The following CORIN variants were observed in gnomAD, a reference collection of about 807,000 sequenced individuals.
CORIN encodes the protein corin, serine peptidase.
Under a neutral mutation model 125.3 loss-of-function variants are expected in CORIN, and 117 were observed. The ratio of observed to expected loss-of-function variants is 0.93; its 90% CI spans 0.80 to 1.09. CORIN has a LOEUF of 1.09. CORIN is among the 50% of genes least tolerant of loss of function. CORIN has a pLI of 0.00. For missense variants in CORIN, 1,253 were observed against 1,306.7 expected (o/e 0.96, Z 0.63); for synonymous variants, 450 against 466.4 (o/e 0.96, Z 0.45).
chr4:47,766,247 C>A (rs546261619), intron 3 of CORIN, among the ~76,000 whole-genome samples: 7 of 152,138 alleles, frequency 4.6e-5, no homozygotes, highest in Non-Finnish European at 7.4e-5. Flanking sequence ...AATTTCTCTG[C>A]CCCATAAAAG....
intron 5 of CORIN, among the ~76,000 whole-genome samples, chr4:47,730,563 C>A (rs1302901041): frequency 6.6e-6 from 1 of 151,992 alleles, no homozygotes; most frequent in South Asian, 2.1e-4. Context: ...GGGGCTGGAG[C>A]CCAAAAGCAC....
chr4:47,626,561 A>G (rs1722577587), intron 16 of CORIN, 40 bp from the exon 17 acceptor site: 2 of 1,215,886 alleles, frequency 1.6e-6, no homozygotes, highest in South Asian at 2.4e-5. Flanking sequence ...TCAAAGTACA[A>G]TGATCTTTGA....
intron 4 of CORIN, among the ~76,000 whole-genome samples, chr4:47,759,087 G>A (rs1422350706): frequency 6.6e-6 from 1 of 152,082 alleles, no homozygotes; most frequent in Non-Finnish European, 1.5e-5. Flanking sequence ...AAGGTGCCAA[G>A]AACACACAAT....
At chr4:47,758,774 CCCAT>C (rs1256027874) in intron 4 of CORIN, among the ~76,000 whole-genome samples, 1 of 152,108 alleles carries the variant, frequency 6.6e-6, no homozygotes, top group Admixed American at 6.5e-5. Context: ...AGGGGCTTTC[CCCAT>C]TTTGCTCCGC....
At chr4:47,735,843 G>A (rs1728105681) in intron 5 of CORIN, among the ~76,000 whole-genome samples, 1 of 151,002 alleles carries the variant, frequency 6.6e-6, no homozygotes, top group South Asian at 2.1e-4. Flanking sequence ...TGAGAATGAC[G>A]TGAACCCGGG....
chr4:47,695,411 A>C (rs1484239153), intron 5 of CORIN, among the ~76,000 whole-genome samples: 2 of 152,238 alleles, frequency 1.3e-5, no homozygotes, highest in Non-Finnish European at 2.9e-5. Flanking sequence ...AAAGCTCAAG[A>C]TTCAATAGCT....
At chr4:47,825,697 C>CT (rs759495221) in intron 1 of CORIN, among the ~76,000 whole-genome samples, 1,995 of 134,786 alleles carry the variant, frequency 0.015, 51 homozygotes, top group African/African-American at 0.044. Context: ...CAAACCACTG[C>CT]TTTTTTTTTT....
rs538496151 is a variant in CORIN at position 47,616,022 on chromosome 4, G to A, written c.2540+7549C>T. Among the ~76,000 whole-genome samples the A allele has an allele frequency of 3.4e-4, 52 of 152,324 alleles. 1 individual carries two copies. The South Asian group carries it at 5.2e-3, about 15-fold the overall frequency. On this transcript the variant is annotated intron_variant, in intron 19 of 21. Coordinates refer to ENST00000273857, the MANE Select transcript of CORIN (RefSeq NM_006587.4). The stretch of plus-strand genomic sequence containing the variant: ...GATGCCTTTTACTGAGATGGGGGAA[G>A]TTTGTGAAGCAACAATTATTTGCTC...
intron 7 of CORIN, 175 bp from the exon 8 acceptor site, chr4:47,680,426 C>T: frequency 3.6e-6 from 2 of 554,828 alleles, no homozygotes; most frequent in Non-Finnish European, 6.5e-6. Flanking sequence ...ACTCATGTGC[C>T]CCACTGACCA....
At chr4:47,636,877 G>T (rs1055662870) in intron 16 of CORIN, among the ~76,000 whole-genome samples, 1 of 152,196 alleles carries the variant, frequency 6.6e-6, no homozygotes, top group African/African-American at 2.4e-5. Context: ...ATACCCAAAA[G>T]TGTGGAAGCA....
intron 3 of CORIN, among the ~76,000 whole-genome samples, chr4:47,765,483 T>C (rs1729690677): frequency 6.6e-6 from 1 of 152,226 alleles, no homozygotes; most frequent in African/African-American, 2.4e-5. Flanking sequence ...ATTATATTGC[T>C]GTAATAAGTA....
intron 4 of CORIN, among the ~76,000 whole-genome samples, chr4:47,756,658 T>A (rs1253205046): frequency 6.6e-6 from 1 of 152,102 alleles, no homozygotes; most frequent in Non-Finnish European, 1.5e-5. Context: ...ATTTTTTTTA[T>A]AAAATTGCTC....
chr4:47,665,064 A>T lies in CORIN; in HGVS notation c.1557T>A (p.Asp519Glu). The T allele has an allele frequency of 6.2e-7, 1 of 1,612,996 alleles. No homozygotes were observed. Among genetic ancestry groups the T allele is most frequent in the African/African-American group, 1.3e-5 (1 of 75,014 alleles). ...FSCTILVPKCDVNTGEHIPPC... is the reference protein window; with the variant it reads ...FSCTILVPKCEVNTGEHIPPC... ...GAGGGATATGCTCGCCTGTATTCACATCACATTTTGGTACCAAAATGGTGC... is the reference window on the plus strand; with the variant it reads ...GAGGGATATGCTCGCCTGTATTCACTTCACATTTTGGTACCAAAATGGTGC... Residue 519 changes from aspartate to glutamate, a missense_variant, in exon 11 of 22, where the codon GAT (aspartate) becomes GAA (glutamate). Transcript: ENST00000273857.
At chr4:47,701,399 A>G (rs1221619780) in intron 5 of CORIN, among the ~76,000 whole-genome samples, 1 of 152,238 alleles carries the variant, frequency 6.6e-6, no homozygotes, top group East Asian at 1.9e-4. Flanking sequence ...AAACTTTGCC[A>G]TCTGGCCTTC....
chr4:47,742,214 T>C (rs1277045794), intron 5 of CORIN, among the ~76,000 whole-genome samples: 1 of 151,962 alleles, frequency 6.6e-6, no homozygotes, highest in Non-Finnish European at 1.5e-5. Flanking sequence ...TAGAAAGAGC[T>C]TCCTTAATCT....
At chr4:47,676,347 A>C (rs185177743) in intron 9 of CORIN, among the ~76,000 whole-genome samples, 270 of 152,040 alleles carry the variant, frequency 1.8e-3, no homozygotes, top group African/African-American at 6.0e-3. Context: ...TTGTGTCTCA[A>C]TTGCTTTTTC....
intron 1 of CORIN, among the ~76,000 whole-genome samples, chr4:47,815,500 T>G (rs1051420296): frequency 1.3e-5 from 2 of 152,156 alleles, no homozygotes; most frequent in Admixed American, 1.3e-4. Context: ...AAGATGATTT[T>G]GGGAAGAAAC....
intron 4 of CORIN, among the ~76,000 whole-genome samples, chr4:47,747,608 G>A (rs1728718104): frequency 6.6e-6 from 1 of 152,136 alleles, no homozygotes; most frequent in African/African-American, 2.4e-5. Context: ...GAGGCCAGCA[G>A]ACTGTTTTCA....
intron 7 of CORIN, 64 bp from the exon 8 acceptor site, chr4:47,680,315 G>A (rs1189310854): frequency 2.6e-6 from 3 of 1,140,804 alleles, no homozygotes; most frequent in Middle Eastern, 1.9e-4. Context: ...GGATTCTATG[G>A]CTCCCAGTTC....
Sources: gnomAD v4.1 joint callset for allele counts (sites outside exome capture counted in the v4.1 genomes callset) on GRCh38, gnomAD v4.1.1 for gene constraint, MANE v1.5 for transcripts, NCBI Gene and HGNC (gene_info 2026-07-23, HGNC 2026-07-21) for gene names.